Variants in POT1 observed in about 807,000 individuals in gnomAD.
POT1 encodes the protein protection of telomeres protein 1.
POT1 carries 47 observed loss-of-function variants against 78.5 expected under a neutral mutation model. The ratio of observed to expected loss-of-function variants is 0.60; its 90% confidence interval spans 0.47 to 0.76. The LOEUF is 0.76. Ranked by LOEUF, POT1 falls within the 30% of genes least tolerant of loss-of-function variation. The probability of loss-of-function intolerance (pLI) is 0.00; values close to 1 mark genes in which losing one functional copy is unlikely to be tolerated. For missense variants in POT1, 646 were observed against 749.9 expected (o/e 0.86, Z 1.62); for synonymous variants, 259 against 260.7 (o/e 0.99, Z 0.06).
intron 6 of POT1, among the ~76,000 whole-genome samples, chr7:124,888,602 T>G (rs917285736): frequency 6.6e-6 from 1 of 152,068 alleles, no homozygotes; most frequent in Non-Finnish European, 1.5e-5. Context: ...TTTACTTTGT[T>G]GTACTTTGTA....
chr7:124,889,221 T>A (rs1204948600), intron 6 of POT1, among the ~76,000 whole-genome samples: 1 of 152,040 alleles, frequency 6.6e-6, no homozygotes, highest in African/African-American at 2.4e-5. Context: ...ATTTTAGTCG[T>A]CTGCATAGAT....
At chr7:124,850,905 G>GAA (rs34336240) in intron 11 of POT1, among the ~76,000 whole-genome samples, 3 of 140,604 alleles carry the variant, frequency 2.1e-5, no homozygotes, top group African/African-American at 2.6e-5. Context: ...GAGTTAGGTA[G>GAA]AAAAAAAAAA....
intron 15 of POT1, among the ~76,000 whole-genome samples, chr7:124,835,061 G>A (rs2116442671): frequency 6.6e-6 from 1 of 152,230 alleles, no homozygotes; most frequent in East Asian, 1.9e-4. Context: ...CATGGAGACA[G>A]GGAGGGGAAC....
intron 16 of POT1, among the ~76,000 whole-genome samples, chr7:124,828,170 T>C (rs747553295): frequency 1.5e-4 from 23 of 152,128 alleles, no homozygotes; most frequent in Non-Finnish European, 2.8e-4. Context: ...TTCTAAAAAA[T>C]AGCATGCAGT....
chr7:124,825,388 G>A (rs2116408311), intron 17 of POT1, 31 bp from the exon 18 acceptor site: 1 of 1,334,846 alleles, frequency 7.5e-7, no homozygotes, highest in Non-Finnish European at 1.1e-6. Context: ...GAAAAAAAAA[G>A]GAAATAATAT....
intron 2 of POT1, among the ~76,000 whole-genome samples, chr7:124,924,465 C>A (rs1240861984): frequency 2.0e-5 from 3 of 151,740 alleles, no homozygotes; most frequent in Admixed American, 6.6e-5. Context: ...ATGATGACAG[C>A]AAGACTGTAT....
chr7:124,909,548 G>A (rs1796841081), intron 3 of POT1, among the ~76,000 whole-genome samples: 2 of 151,724 alleles, frequency 1.3e-5, no homozygotes, highest in African/African-American at 2.4e-5. Flanking sequence ...GCATTTCTGG[G>A]TTTTAAATCC....
At chr7:124,921,228 A>C (rs1335368091) in intron 2 of POT1, among the ~76,000 whole-genome samples, 1 of 152,200 alleles carries the variant, frequency 6.6e-6, no homozygotes, top group East Asian at 1.9e-4. Context: ...ACAAAACAAT[A>C]AAAGTATGTC....
chr7:124,866,206 T>C (rs1584774619), intron 7 of POT1, among the ~76,000 whole-genome samples: 1 of 151,750 alleles, frequency 6.6e-6, no homozygotes, highest in African/African-American at 2.4e-5. Flanking sequence ...GCAAACTCTC[T>C]GCGAAGTCTT....
intron 3 of POT1, among the ~76,000 whole-genome samples, chr7:124,905,663 G>T (rs915407021): frequency 6.6e-6 from 1 of 152,132 alleles, no homozygotes. Context: ...AAGAGCTTCT[G>T]CACAGCAAAA....
intron 16 of POT1, 101 bp downstream of exon 16, chr7:124,829,153 A>G: frequency 1.2e-6 from 1 of 843,288 alleles, no homozygotes; most frequent in East Asian, 2.4e-5. Context: ...TAAGTATACA[A>G]AGAAGGAACA....
At chr7:124,887,820 A>G (rs1022972353) in intron 6 of POT1, among the ~76,000 whole-genome samples, 9 of 152,120 alleles carry the variant, frequency 5.9e-5, no homozygotes, top group Non-Finnish European at 1.2e-4. Context: ...AAATTTAGTA[A>G]AATTAAATTA....
chr7:124,841,058 A>C lies in POT1; in HGVS notation c.1284T>G (p.Asn428Lys), dbSNP rs141341950. The C allele has an allele frequency of 6.2e-7, 1 of 1,612,518 alleles. No homozygotes were observed. Among genetic ancestry groups the C allele is most frequent in the Non-Finnish European group, 8.5e-7 (1 of 1,179,076 alleles). ...GAACTGCTACTTTTCGTCCTTTTTG[A>C]TTTTTAGTGGTCCAGATTTTTGAAT... Reference protein sequence around the residue: ...LYDSKIWTTKNQKGRKVAVHF... With the variant: ...LYDSKIWTTKKQKGRKVAVHF... Residue 428 changes from asparagine (N) to lysine (K), a missense_variant, in exon 14 of 19, where the codon AAT becomes AAG. By Grantham distance (94) the Asn-to-Lys change is moderately conservative. Around this residue, in one of 2 missense-constraint regions of POT1, gnomAD observed 394 missense variants for 408.4 expected, o/e 0.96. Coordinates refer to ENST00000357628, the MANE Select transcript of POT1 (RefSeq NM_015450.3).
At chr7:124,836,841 C>T (rs1468889522) in intron 14 of POT1, among the ~76,000 whole-genome samples, 1 of 152,198 alleles carries the variant, frequency 6.6e-6, no homozygotes, top group Non-Finnish European at 1.5e-5. Flanking sequence ...GTGATTTCCT[C>T]TTAATGTAAA....
At chr7:124,827,690 A>C (rs1168793509) in intron 16 of POT1, among the ~76,000 whole-genome samples, 2 of 152,216 alleles carry the variant, frequency 1.3e-5, no homozygotes, top group Admixed American at 1.3e-4. Context: ...ACATAGGGAG[A>C]ATATCTTATG....
intron 12 of POT1, among the ~76,000 whole-genome samples, chr7:124,844,232 G>A (rs4731224): frequency 0.4 from 59,604 of 149,408 alleles, 12,001 homozygotes; most frequent in East Asian, 0.5. Flanking sequence ...AGGTTCAAGC[G>A]ATTCTCCTGC....
intron 3 of POT1, among the ~76,000 whole-genome samples, chr7:124,912,618 T>C (rs1796917692): frequency 6.6e-6 from 1 of 152,196 alleles, no homozygotes; most frequent in Non-Finnish European, 1.5e-5. Context: ...GAACGTATGC[T>C]GCATAAGGAC....
intron 6 of POT1, among the ~76,000 whole-genome samples, chr7:124,884,546 G>A (rs1796198285): frequency 6.6e-6 from 1 of 152,112 alleles, no homozygotes; most frequent in Admixed American, 6.5e-5. Context: ...CTGAGGTAAG[G>A]TAGTGAGCCC....
chr7:124,887,418 T>G (rs997652268), intron 6 of POT1, among the ~76,000 whole-genome samples: 1 of 150,682 alleles, frequency 6.6e-6, no homozygotes, highest in African/African-American at 2.5e-5. Flanking sequence ...CACAGACTAG[T>G]TTTTTTTACA....
Sources: gnomAD v4.1 joint callset for allele counts (sites outside exome capture counted in the v4.1 genomes callset) on GRCh38, gnomAD v4.1.1 for gene constraint, gnomAD v4.1.1 regional missense constraint, MANE v1.5 for transcripts, NCBI Gene and HGNC (gene_info 2026-07-23, HGNC 2026-07-21) for gene names.